The following ZNF407 variants were observed in gnomAD, a reference collection of about 807,000 sequenced individuals.
ZNF407 encodes the protein zinc finger protein 407.
In ZNF407, 17 loss-of-function variants were observed where a neutral mutation model predicts 131.2. The ratio of observed to expected loss-of-function variants is 0.13; its 90% CI spans 0.09 to 0.19. ZNF407 has a LOEUF of 0.19. Ranked by LOEUF, ZNF407 falls within the 10% of genes least tolerant of loss-of-function variation. The pLI is 1.00. For missense variants in ZNF407, 2,681 were observed against 2,830.6 expected (o/e 0.95, Z 1.20); for synonymous variants, 1,156 against 1,062.0 (o/e 1.09, Z -1.72).
intron 8 of ZNF407, among the ~76,000 whole-genome samples, chr18:75,017,542 C>T (rs1227782277): frequency 6.6e-6 from 1 of 152,124 alleles, no homozygotes; most frequent in Non-Finnish European, 1.5e-5. Context: ...AACCCTATGC[C>T]ATTCCTCAAG....
intron 7 of ZNF407, among the ~76,000 whole-genome samples, chr18:74,894,668 G>T (rs930456660): frequency 5.9e-5 from 9 of 152,056 alleles, no homozygotes; most frequent in Admixed American, 3.9e-4. Flanking sequence ...TATAATAAAT[G>T]CATATTAAAC....
chr18:74,916,141 GCA>G (rs200695564), intron 7 of ZNF407, among the ~76,000 whole-genome samples: 13 of 27,624 alleles, frequency 4.7e-4, no homozygotes, highest in Admixed American at 1.3e-3. Flanking sequence ...GTGTGTGTGT[GCA>G]TGCATGTGTG....
At chr18:75,051,679 C>T (rs74726844) in intron 8 of ZNF407, among the ~76,000 whole-genome samples, 317 of 152,280 alleles carry the variant, frequency 2.1e-3, no homozygotes, top group African/African-American at 6.9e-3. Context: ...CTTAGATATC[C>T]TACCCTTTAA....
intron 8 of ZNF407, among the ~76,000 whole-genome samples, chr18:75,020,640 A>C (rs540861604): frequency 3.3e-5 from 5 of 152,282 alleles, no homozygotes; most frequent in Admixed American, 2.6e-4. Flanking sequence ...TCTATATTAG[A>C]GCTATAATCA....
intron 8 of ZNF407, among the ~76,000 whole-genome samples, chr18:75,006,820 AT>A (rs950586481): frequency 9.9e-5 from 15 of 151,314 alleles, no homozygotes; most frequent in African/African-American, 2.9e-4. Flanking sequence ...TACAAGTGTG[AT>A]TTTTTTTCTT....
chr18:74,885,667 T>C (rs945320458), intron 6 of ZNF407, among the ~76,000 whole-genome samples: 2 of 152,182 alleles, frequency 1.3e-5, no homozygotes, highest in Non-Finnish European at 2.9e-5. Context: ...ATTGCAGAAA[T>C]AGACGTGTAC....
chr18:74,697,417 T>C (rs1334606209), intron 3 of ZNF407, among the ~76,000 whole-genome samples: 1 of 152,210 alleles, frequency 6.6e-6, no homozygotes, highest in Non-Finnish European at 1.5e-5. Flanking sequence ...TTTGAGAGAC[T>C]GCTTTATAGA....
At chr18:74,808,777 C>T (rs1284356183) in intron 4 of ZNF407, among the ~76,000 whole-genome samples, 3 of 152,094 alleles carry the variant, frequency 2.0e-5, no homozygotes, top group Non-Finnish European at 4.4e-5. Context: ...AGTGCTTGTG[C>T]TTGTTGAGTG....
intron 3 of ZNF407, among the ~76,000 whole-genome samples, chr18:74,673,941 A>G (rs1348315126): frequency 2.0e-5 from 3 of 152,346 alleles, no homozygotes; most frequent in East Asian, 1.9e-4. Context: ...TAAAGAAGCT[A>G]TTAATGTATT....
At chr18:74,971,547 A>G (rs1972472527) in intron 8 of ZNF407, among the ~76,000 whole-genome samples, 1 of 152,326 alleles carries the variant, frequency 6.6e-6, no homozygotes, top group South Asian at 2.1e-4. Context: ...TCTCTGCTAA[A>G]ACGTAACAAG....
chr18:74,632,239 G>C lies in ZNF407; in HGVS notation c.1220G>C (p.Gly407Ala). 1 of 1,613,960 alleles carries C rather than the reference G, an allele frequency of 6.2e-7. No individual in the cohort carries two copies. The highest frequency in any genetic ancestry group is 8.5e-7 in the Non-Finnish European group (1 of 1,179,888). Residue 407 changes from glycine (G) to alanine (A), a missense_variant, in exon 2 of 9, where the codon GGT becomes GCT. This residue lies in a region of ZNF407 where 1,789 missense variants were observed against 1,748.7 expected (regional missense o/e 1.02). Coordinates refer to ENST00000299687, the MANE Select transcript of ZNF407 (RefSeq NM_017757.3). ...STKNTLQAAHGNSVTSRPRPE... is the reference protein window; with the variant it reads ...STKNTLQAAHANSVTSRPRPE... ...AAAAATACCCTTCAGGCAGCACACGGTAACAGTGTAACCTCGAGGCCAAGA... is the reference window on the plus strand; with the variant it reads ...AAAAATACCCTTCAGGCAGCACACGCTAACAGTGTAACCTCGAGGCCAAGA...
Position 74,676,498 on chromosome 18 carries a change from G to A in ZNF407, c.4802+35376G>A, listed in dbSNP as rs541759571. On this transcript the variant is annotated intron_variant, in intron 3 of 8. Transcript: ENST00000299687. Reference sequence around the variant, plus strand: ...GTCACCCAGGCTGGAGTGCAGTGGCGGGATCTCGGCTCACTGCAAGCTCCG... The same window carrying A: ...GTCACCCAGGCTGGAGTGCAGTGGCAGGATCTCGGCTCACTGCAAGCTCCG... Among the ~76,000 whole-genome samples, 220 of 148,388 alleles carry A rather than the reference G, an allele frequency of 1.5e-3. 1 individual carries two copies. The highest frequency in any genetic ancestry group is 2.3e-3 in the Non-Finnish European group (154 of 67,040).
At chr18:74,811,874 T>C (rs1336648165) in intron 4 of ZNF407, among the ~76,000 whole-genome samples, 1 of 136,022 alleles carries the variant, frequency 7.4e-6, no homozygotes, top group Non-Finnish European at 1.5e-5. Context: ...AGGGCTGTTG[T>C]GGGGTAAGGG....
chr18:74,812,664 C>T (rs532892128), intron 4 of ZNF407, among the ~76,000 whole-genome samples: 1 of 152,214 alleles, frequency 6.6e-6, no homozygotes, highest in South Asian at 2.1e-4. Context: ...TTTGAAACTT[C>T]CCCCATTGCC....
At chr18:75,006,432 G>A (rs1009186009) in intron 8 of ZNF407, among the ~76,000 whole-genome samples, 2 of 152,114 alleles carry the variant, frequency 1.3e-5, no homozygotes, top group Admixed American at 6.5e-5. Flanking sequence ...TCCAAGTAAT[G>A]TCTTAGCTGC....
intron 3 of ZNF407, among the ~76,000 whole-genome samples, chr18:74,758,938 A>G (rs1206806400): frequency 2.0e-5 from 3 of 152,134 alleles, no homozygotes; most frequent in African/African-American, 7.2e-5. Flanking sequence ...CTGGTCCTTC[A>G]TTTCTTCATG....
intron 4 of ZNF407, among the ~76,000 whole-genome samples, chr18:74,870,198 G>A (rs1317190170): frequency 6.6e-6 from 1 of 152,094 alleles, no homozygotes. Flanking sequence ...TGAATTGAAA[G>A]GGCTAGAAAA....
chr18:74,819,290 C>G (rs1970309015), intron 4 of ZNF407, among the ~76,000 whole-genome samples: 1 of 152,124 alleles, frequency 6.6e-6, no homozygotes, highest in Non-Finnish European at 1.5e-5. Context: ...TTGCCCTTCC[C>G]TACATAATTT....
intron 3 of ZNF407, among the ~76,000 whole-genome samples, chr18:74,741,422 C>A (rs1267704681): frequency 6.6e-6 from 1 of 151,946 alleles, no homozygotes; most frequent in Non-Finnish European, 1.5e-5. Flanking sequence ...CATATATTTA[C>A]TTCTAAATTG....
Sources: gnomAD v4.1 joint callset for allele counts (sites outside exome capture counted in the v4.1 genomes callset) on GRCh38, gnomAD v4.1.1 for gene constraint, gnomAD v4.1.1 regional missense constraint, MANE v1.5 for transcripts, NCBI Gene and HGNC (gene_info 2026-07-23, HGNC 2026-07-21) for gene names.